Variants in SCUBE2 observed in about 807,000 individuals in gnomAD.
SCUBE2 encodes the protein signal peptide, CUB and EGF-like domain-containing protein 2.
Under a neutral mutation model 125.9 loss-of-function variants are expected in SCUBE2, and 114 were observed. The observed-to-expected ratio is 0.91, with a 90% CI of 0.78 to 1.06. The LOEUF is 1.06. Among genes scored for constraint, SCUBE2 ranks in the 50% least tolerant of loss-of-function variants. SCUBE2 has a pLI of 0.00. For missense variants in SCUBE2, 1,255 were observed against 1,301.8 expected (o/e 0.96, Z 0.55); for synonymous variants, 459 against 492.9 (o/e 0.93, Z 0.91).
chr11:9,048,195 T>C (rs954463716), intron 14 of SCUBE2, 97 bp from the exon 15 acceptor site: 31 of 1,217,230 alleles, frequency 2.5e-5, no homozygotes, highest in Admixed American at 1.3e-4. Context: ...AAAACAACTC[T>C]CAAGGGACTA....
At chr11:9,063,347 G>A (rs772264058) in intron 7 of SCUBE2, among the ~76,000 whole-genome samples, 5 of 152,252 alleles carry the variant, frequency 3.3e-5, no homozygotes, top group Middle Eastern at 3.4e-3. Flanking sequence ...CTAAAAATAG[G>A]TGGGCAAAAT....
chr11:9,079,299 T>C (rs1231732612), intron 3 of SCUBE2, 85 bp downstream of exon 3: 2 of 1,532,048 alleles, frequency 1.3e-6, no homozygotes, highest in Admixed American at 1.8e-5. Flanking sequence ...GAGCCCGTTT[T>C]TGTCTTCATG....
At chr11:9,025,500 T>C (rs763385934) in intron 21 of SCUBE2, 1 of 542,132 alleles carries the variant, frequency 1.8e-6, no homozygotes, top group Non-Finnish European at 3.3e-6. Context: ...TTTAATATAT[T>C]TTATAAAACA....
chr11:9,088,475 T>C (rs113861643), intron 2 of SCUBE2, among the ~76,000 whole-genome samples: 4,173 of 152,348 alleles, frequency 0.027, 205 homozygotes, highest in African/African-American at 0.095. Flanking sequence ...CACTCCAGCC[T>C]GGGTAACAAG....
Position 9,091,443 on chromosome 11 carries a change from GCCAGCAGCAGCAGTGGCGGCA to G in SCUBE2, c.65_85del (p.Leu22_Ala29delinsPro). The G allele has an allele frequency of 3.0e-6, 4 of 1,332,916 alleles. No homozygotes were observed. Among genetic ancestry groups the G allele is most frequent in the Non-Finnish European group, 3.8e-6 (4 of 1,045,612 alleles). 82.6% of individuals were successfully genotyped at this position (1,332,916 alleles called of 1,614,324 possible). A position where few individuals can be genotyped will look rare whatever the true frequency, so the allele number is the denominator to read the frequency against. Reference sequence around the variant, plus strand: ...GCCCCGACCCGGCGGGACGGCCCCCGCCAGCAGCAGCAGTGGCGGCAGCAGCAGCAGCAGCAGCAGCACCGC... The same window carrying G: ...GCCCCGACCCGGCGGGACGGCCCCCGGCAGCAGCAGCAGCAGCAGCACCGC... On this transcript the variant is annotated inframe_deletion, in exon 1 of 23. Coordinates refer to ENST00000649792, the MANE Select transcript of SCUBE2 (RefSeq NM_001367977.2). The surrounding 1 kb of genome is among the most constrained non-coding windows in gnomAD (Gnocchi z 8.5).
chr11:9,019,612 G>GAATC lies in SCUBE2; in HGVS notation c.*1429_*1432dup, dbSNP rs1855151958. Among the ~76,000 whole-genome samples, 1 of 151,902 alleles carries GAATC rather than the reference G, an allele frequency of 6.6e-6. No individual in the cohort carries two copies. The highest frequency in any genetic ancestry group is 6.6e-5 in the Admixed American group (1 of 15,256). On this transcript the variant is annotated 3_prime_UTR_variant, in exon 23 of 23. Transcript: ENST00000649792. Reference sequence around the variant, plus strand: ...AAGAAGTTTGATTAGGACTTTTTAAGAATCAATGTTATTAACAGGTTAAAA... The same window carrying GAATC: ...AAGAAGTTTGATTAGGACTTTTTAAGAATCAATCAATGTTATTAACAGGTTAAAA...
In SCUBE2 at chr11:9,047,499, G is replaced by A. The variant is rs3751055; in HGVS notation, c.1859C>T (p.Thr620Met). 0.14 allele frequency: 228,916 copies of A among 1,613,540 alleles called. 17,826 individuals carry two copies. The highest frequency in any genetic ancestry group is 0.26 in the East Asian group (11,778 of 44,828). The change falls in exon 16 of 23, where the codon ACG (threonine) becomes ATG (methionine). Residue 620 changes from threonine (T) to methionine (M), a missense_variant. Thr to Met is a moderately conservative substitution (Grantham distance 81). Coordinates refer to ENST00000649792, the MANE Select transcript of SCUBE2 (RefSeq NM_001367977.2). ...CTCCCTGTGGACGGCCTTTCTGAGC[G>A]TGCGGATGGCTTTACGGAGCCGCTT... ...TEKRLRKAIRTLRKAVHREQF... is the reference protein window; with the variant it reads ...TEKRLRKAIRMLRKAVHREQF...
At chr11:9,061,778 T>C (rs1859710932) in intron 7 of SCUBE2, among the ~76,000 whole-genome samples, 4 of 152,082 alleles carry the variant, frequency 2.6e-5, no homozygotes, top group Non-Finnish European at 5.9e-5. Context: ...GGAAGTGACA[T>C]GTTAGCAGGA....
intron 2 of SCUBE2, among the ~76,000 whole-genome samples, chr11:9,089,385 G>C (rs764068719): frequency 1.4e-4 from 22 of 152,334 alleles, no homozygotes; most frequent in African/African-American, 5.1e-4. Context: ...GGCAGGCATG[G>C]CTCTCCTGAT....
intron 10 of SCUBE2, 98 bp downstream of exon 10, chr11:9,055,694 CA>C: frequency 3.5e-6 from 3 of 859,684 alleles, no homozygotes; most frequent in Non-Finnish European, 5.9e-6. Flanking sequence ...ATGTACCTTT[CA>C]TACCCCAATG....
intron 11 of SCUBE2, 152 bp from the exon 12 acceptor site, chr11:9,053,367 G>C: frequency 3.9e-6 from 3 of 761,820 alleles, no homozygotes; most frequent in Non-Finnish European, 6.3e-6. Context: ...TTCCCACCAA[G>C]GGAAAGGAGC....
At position 9,052,885 on chromosome 11, in the gene SCUBE2, C is replaced by A. The variant is rs72549204; in HGVS notation, c.1448-53G>T. 4.3e-6 allele frequency: 6 copies of A among 1,390,992 alleles called. No homozygotes were observed. In the African/African-American group the frequency reaches 7.1e-5, roughly 17 times the overall value. The allele number at this position is 1,390,992 out of a possible 1,614,324, so 86.2% of individuals were successfully genotyped here. ...TGCATAAGCAAGGTCACAGGCTATC[C>A]TGGTAGCAGCTAAACTGTCCCCCCA... On this transcript the variant is annotated intron_variant, in intron 12 of 22. Transcript: ENST00000649792.
intron 16 of SCUBE2, among the ~76,000 whole-genome samples, chr11:9,038,204 T>C (rs1482889252): frequency 6.6e-6 from 1 of 152,082 alleles, no homozygotes; most frequent in African/African-American, 2.4e-5. Context: ...CAAATAAGTA[T>C]GTAATAGAAT....
Position 9,065,927 on chromosome 11 carries a change from C to T in SCUBE2, c.814G>A (p.Asp272Asn), listed in dbSNP as rs748568178. 6.2e-7 allele frequency: 1 copy of T among 1,614,194 alleles called. No homozygotes were observed. Among genetic ancestry groups the T allele is most frequent in the East Asian group, 2.2e-5 (1 of 44,884 alleles). The change falls in exon 7 of 23, where the codon GAT becomes AAT. Residue 272 changes from aspartate (D) to asparagine (N), a missense_variant. Physicochemically the swap from Asp to Asn is conservative, Grantham distance 23. Around this residue, in one of 3 missense-constraint regions of SCUBE2, gnomAD observed 378 missense variants for 463.1 expected, o/e 0.82. Transcript: ENST00000649792. Reference sequence around the variant, plus strand: ...CGCCGTTTCACCCGTTTATCCCCATCCACCACTGATGTGGTGTTGCTCTCT... The same window carrying T: ...CGCCGTTTCACCCGTTTATCCCCATTCACCACTGATGTGGTGTTGCTCTCT... ...VTESNTTSVV[D>N]GDKRVKRRLL... is the part of the protein sequence containing the mutation.
rs568260049 is a variant in SCUBE2 at position 9,059,351 on chromosome 11, C to T, written c.1042G>A (p.Gly348Ser). The change falls in exon 9 of 23, where the codon GGC (glycine) becomes AGC (serine). Residue 348 changes from glycine (G) to serine (S), a missense_variant. This residue lies in a region of SCUBE2 where 378 missense variants were observed against 463.1 expected (regional missense o/e 0.82). Transcript: ENST00000649792. ...CKNIVGSFDC[G>S]CKKGFKLLTD... Reference sequence around the variant, plus strand: ...AATAATTTAAATCCTTTCTTGCAGCCGCAGTCAAAACTGCCCACGATGTTT... The same window carrying T: ...AATAATTTAAATCCTTTCTTGCAGCTGCAGTCAAAACTGCCCACGATGTTT... The T allele has an allele frequency of 1.5e-5, 24 of 1,614,160 alleles. No individual in the cohort carries two copies. In the Middle Eastern group the frequency reaches 5.0e-4, roughly 33 times the overall value.
chr11:9,048,875 C>CT (rs1858062662), intron 14 of SCUBE2, among the ~76,000 whole-genome samples: 1 of 152,120 alleles, frequency 6.6e-6, no homozygotes. Context: ...TCAGATTCTT[C>CT]TTTAACATTA....
At chr11:9,047,651 C>T in intron 15 of SCUBE2, 89 bp from the exon 16 acceptor site, 1 of 1,320,876 alleles carries the variant, frequency 7.6e-7, no homozygotes, top group South Asian at 1.3e-5. Context: ...CTACCAACAC[C>T]CCGAGCTCCC....
intron 1 of SCUBE2, 75 bp from the exon 2 acceptor site, chr11:9,089,904 T>C (rs1182337819): frequency 2.6e-6 from 4 of 1,554,792 alleles, no homozygotes; most frequent in East Asian, 2.3e-5. Flanking sequence ...CTGTCTGGCA[T>C]CATCCTCACC....
rs961011919 is a variant in SCUBE2, at chr11:9,082,598, C to CA, written c.257-3090dup. Among the ~76,000 whole-genome samples the CA allele has an allele frequency of 1.3e-4, 19 of 150,826 alleles. 1 individual carries two copies. The highest frequency in any genetic ancestry group is 1.1e-3 in the South Asian group (5 of 4,758). ...AAATGCCTATTAACTGATAAATGGG[C>CA]AAAAAAAATGGTATATTCATACAAT... On this transcript the variant is annotated intron_variant, in intron 2 of 22. Coordinates refer to ENST00000649792, the MANE Select transcript of SCUBE2 (RefSeq NM_001367977.2).
Sources: allele counts gnomAD v4.1 joint callset (sites outside exome capture counted in the v4.1 genomes callset), GRCh38; gene constraint gnomAD v4.1.1; regional missense constraint gnomAD v4.1.1; non-coding constraint Gnocchi (gnomAD v3.1); transcripts MANE v1.5; gene names NCBI Gene and HGNC (gene_info 2026-07-23, HGNC 2026-07-21).